Variants in BLOC1S5 observed in about 807,000 individuals in gnomAD.
The protein encoded by BLOC1S5 is biogenesis of lysosomal organelles complex 1 subunit 5.
In BLOC1S5, 27 loss-of-function variants were observed where a neutral mutation model predicts 24.3. That is an observed-to-expected ratio of 1.11 (90% CI 0.82 to 1.53). The LOEUF (loss-of-function observed/expected upper bound fraction) is 1.53. Among genes scored for constraint, BLOC1S5 ranks in the 40% most tolerant of loss-of-function variants. The probability of loss-of-function intolerance (pLI) is 0.00; values close to 1 mark genes in which losing one functional copy is unlikely to be tolerated. For missense variants in BLOC1S5, 239 were observed against 229.4 expected (o/e 1.04, Z -0.27); for synonymous variants, 84 against 74.5 (o/e 1.13, Z -0.66).
At chr6:8,034,866 A>T (rs1335424800) in intron 3 of BLOC1S5, among the ~76,000 whole-genome samples, 2 of 152,156 alleles carry the variant, frequency 1.3e-5, no homozygotes, top group Non-Finnish European at 2.9e-5. Flanking sequence ...CACAATTCTC[A>T]ACTGCAAAAA....
intron 3 of BLOC1S5, among the ~76,000 whole-genome samples, chr6:8,040,253 G>T (rs1358942011): frequency 6.6e-6 from 1 of 152,076 alleles, no homozygotes; most frequent in African/African-American, 2.4e-5. Flanking sequence ...GTAAGGTGGG[G>T]AAGATGATAA....
intron 4 of BLOC1S5, among the ~76,000 whole-genome samples, chr6:8,023,154 T>C (rs1762985509): frequency 6.6e-6 from 1 of 152,340 alleles, no homozygotes; most frequent in African/African-American, 2.4e-5. Flanking sequence ...GTGAATTTTA[T>C]AAGGCAATAA....
chr6:8,062,663 T>A lies in BLOC1S5; in HGVS notation c.113-47A>T, dbSNP rs745561111. On this transcript the variant is annotated intron_variant, in intron 1 of 4. Coordinates refer to ENST00000397457, the MANE Select transcript of BLOC1S5 (RefSeq NM_201280.3). ...CAGGGTTAATCCATGCTAAATGGCA[T>A]AATCTCTAGCTTGTTTTACTCTCTC... 14 of 1,296,192 alleles carry A rather than the reference T, an allele frequency of 1.1e-5. No homozygotes were observed. In the African/African-American group the frequency reaches 1.6e-4, roughly 15 times the overall value. The allele number at this position is 1,296,192 out of a possible 1,614,324, so 80.3% of individuals were successfully genotyped here. A position where few individuals can be genotyped will look rare whatever the true frequency, so the allele number is the denominator to read the frequency against.
intron 3 of BLOC1S5, among the ~76,000 whole-genome samples, chr6:8,030,999 T>C (rs1465876564): frequency 1.3e-5 from 2 of 152,170 alleles, no homozygotes; most frequent in East Asian, 3.9e-4. Flanking sequence ...AAAAGCCATC[T>C]ACGACAAACC....
intron 2 of BLOC1S5, among the ~76,000 whole-genome samples, chr6:8,049,095 G>C (rs1014287214): frequency 6.6e-6 from 1 of 150,596 alleles, no homozygotes; most frequent in Non-Finnish European, 1.5e-5. Flanking sequence ...AAGAGGCCAG[G>C]TACAGTGGTT....
chr6:8,027,016 G>A (rs181022209), intron 3 of BLOC1S5, among the ~76,000 whole-genome samples: 14 of 152,252 alleles, frequency 9.2e-5, no homozygotes, highest in Non-Finnish European at 1.5e-5. Context: ...CAATCAAGGA[G>A]GTTATAAAAC....
intron 4 of BLOC1S5, among the ~76,000 whole-genome samples, chr6:8,020,430 T>C (rs1296627539): frequency 6.6e-6 from 1 of 152,260 alleles, no homozygotes; most frequent in Non-Finnish European, 1.5e-5. Flanking sequence ...GACACCCTTT[T>C]CTTTGGGGTA....
At chr6:8,033,778 A>G (rs1157737980) in intron 3 of BLOC1S5, among the ~76,000 whole-genome samples, 2 of 151,368 alleles carry the variant, frequency 1.3e-5, no homozygotes, top group African/African-American at 4.9e-5. Context: ...AAAAAAATTT[A>G]CAAGAGAAAA....
intron 2 of BLOC1S5, among the ~76,000 whole-genome samples, chr6:8,057,090 A>T (rs1764336796): frequency 4.6e-5 from 7 of 152,124 alleles, no homozygotes; most frequent in Non-Finnish European, 1.0e-4. Flanking sequence ...ATGGTGGTAT[A>T]TGCCTGTAAT....
At chr6:8,051,532 A>G (rs763687473) in intron 2 of BLOC1S5, among the ~76,000 whole-genome samples, 5 of 152,262 alleles carry the variant, frequency 3.3e-5, no homozygotes, top group Non-Finnish European at 7.3e-5. Flanking sequence ...AAGTAGCTAC[A>G]CTAAACAACA....
At chr6:8,018,932 A>C (rs1348009261) in intron 4 of BLOC1S5, among the ~76,000 whole-genome samples, 1 of 152,258 alleles carries the variant, frequency 6.6e-6, no homozygotes, top group Non-Finnish European at 1.5e-5. Flanking sequence ...CCTAGATTCA[A>C]TTTAATCCTG....
In BLOC1S5 at chr6:8,064,353, G is replaced by A. The variant is rs144221198; in HGVS notation, c.24C>T (p.Thr8=). 6,226 of 1,611,786 alleles carry A rather than the reference G, an allele frequency of 3.9e-3. 12 individuals carry two copies. The highest frequency in any genetic ancestry group is 4.4e-3 in the Non-Finnish European group (5,204 of 1,179,806). MSGGGTE[T]PVGCEAAPGG... ...CCGGGGCGGCCTCACAACCCACAGG[G>A]GTCTCTGTCCCTCCGCCACTCATCC... Residue 8 remains threonine, a synonymous_variant, in exon 1 of 5, where the codon ACC becomes ACT. Coordinates refer to ENST00000397457, the MANE Select transcript of BLOC1S5 (RefSeq NM_201280.3).
At chr6:8,018,964 T>C (rs2207720) in intron 4 of BLOC1S5, among the ~76,000 whole-genome samples, 63,603 of 152,188 alleles carry the variant, frequency 0.42, 14,982 homozygotes, top group East Asian at 0.86. Flanking sequence ...TATTAACCAT[T>C]TGGCTACAAG....
At chr6:8,041,741 G>A in intron 2 of BLOC1S5, 1 of 149,656 alleles carries the variant, frequency 6.7e-6, no homozygotes, top group Non-Finnish European at 1.5e-5. Flanking sequence ...CCGCCCGCTG[G>A]GTTCCCGTCA....
chr6:8,021,107 C>T (rs895852641), intron 4 of BLOC1S5, among the ~76,000 whole-genome samples: 4 of 152,168 alleles, frequency 2.6e-5, no homozygotes, highest in East Asian at 1.9e-4. Flanking sequence ...ACGGCATGGA[C>T]GAATCTCGAT....
intron 4 of BLOC1S5, among the ~76,000 whole-genome samples, chr6:8,024,884 G>T (rs1410154163): frequency 2.0e-5 from 3 of 152,196 alleles, no homozygotes; most frequent in Non-Finnish European, 4.4e-5. Flanking sequence ...GAAGCTCAAG[G>T]ATTTGTCCAA....
At chr6:8,062,170 T>G (rs1399241999) in intron 2 of BLOC1S5, among the ~76,000 whole-genome samples, 2 of 152,318 alleles carry the variant, frequency 1.3e-5, no homozygotes, top group East Asian at 3.9e-4. Flanking sequence ...TTTGACTGCT[T>G]GCATAATTGG....
At chr6:8,051,145 G>A (rs561372117) in intron 2 of BLOC1S5, among the ~76,000 whole-genome samples, 103 of 149,254 alleles carry the variant, frequency 6.9e-4, no homozygotes, top group Non-Finnish European at 1.3e-3. Context: ...CCGAGACTGC[G>A]CCACTGAACT....
At chr6:8,060,901 T>C (rs1310022656) in intron 2 of BLOC1S5, among the ~76,000 whole-genome samples, 2 of 152,208 alleles carry the variant, frequency 1.3e-5, no homozygotes, top group Non-Finnish European at 2.9e-5. Flanking sequence ...CTCGGCTCAC[T>C]GCAACCTCCA....
Sources: gnomAD v4.1 joint callset for allele counts (sites outside exome capture counted in the v4.1 genomes callset) on GRCh38, gnomAD v4.1.1 for gene constraint, MANE v1.5 for transcripts, NCBI Gene and HGNC (gene_info 2026-07-23, HGNC 2026-07-21) for gene names.